EIF2B3: variants seen among roughly 807,000 people sequenced by gnomAD.
EIF2B3 encodes translation initiation factor eIF2B subunit gamma.
EIF2B3 carries 20 observed loss-of-function variants against 54.1 expected under a neutral mutation model. The observed-to-expected ratio is 0.37, with a 90% CI of 0.26 to 0.54. The LOEUF is 0.54. Among genes scored for constraint, EIF2B3 ranks in the 20% least tolerant of loss-of-function variants. The probability of loss-of-function intolerance (pLI) is 0.86; values close to 1 mark genes in which losing one functional copy is unlikely to be tolerated. For synonymous variants in EIF2B3, 153 were observed against 188.1 expected (o/e 0.81, Z 1.52); for missense variants, 448 against 547.8 (o/e 0.82, Z 1.82).
intron 5 of EIF2B3, among the ~76,000 whole-genome samples, chr1:44,904,409 A>G (rs1191096520): frequency 6.6e-6 from 1 of 152,256 alleles, no homozygotes; most frequent in Admixed American, 6.5e-5. Context: ...TCAGATGAGG[A>G]TAAAAGCCTC....
In EIF2B3 at chr1:44,864,599, A is replaced by C. The variant is rs56008713; in HGVS notation, c.1203-6792T>G. Among the ~76,000 whole-genome samples, 1,243 of 152,272 alleles carry C rather than the reference A, an allele frequency of 8.2e-3. 12 individuals carry two copies. The highest frequency in any genetic ancestry group is 0.023 in the African/African-American group (941 of 41,566). ...TTTTAACAATTATGTACTTTTCTGC[A>C]ACTCTAATTACCTCTAATTGGACTT... is the stretch of plus-strand genomic sequence containing the variant. On this transcript the variant is annotated intron_variant, in intron 10 of 11. Transcript: ENST00000360403.
intron 8 of EIF2B3, among the ~76,000 whole-genome samples, chr1:44,877,301 C>G (rs927735546): frequency 2.0e-5 from 3 of 147,326 alleles, no homozygotes; most frequent in Non-Finnish European, 4.5e-5. Context: ...TGAGGGGGAG[C>G]AGGAGGCTGC....
At chr1:44,981,233 G>A in intron 1 of EIF2B3, 56 bp from the exon 2 acceptor site, 2 of 1,575,294 alleles carry the variant, frequency 1.3e-6, no homozygotes, top group Non-Finnish European at 8.7e-7. Flanking sequence ...AAAAATCAAA[G>A]CACACATACT....
intron 3 of EIF2B3, among the ~76,000 whole-genome samples, chr1:44,960,918 AC>A (rs149578931): frequency 0.064 from 9,713 of 152,144 alleles, 1,065 homozygotes; most frequent in African/African-American, 0.22. Context: ...CCTTTGGTTT[AC>A]TTATTCAGGA....
chr1:44,851,155 C>T (rs943087219), intron 11 of EIF2B3, 152 bp from the exon 12 acceptor site: 1 of 736,448 alleles, frequency 1.4e-6, no homozygotes, highest in Admixed American at 2.1e-5. Flanking sequence ...ACCTCCATCT[C>T]CCAGGTTCAT....
intron 5 of EIF2B3, among the ~76,000 whole-genome samples, chr1:44,925,742 G>A (rs894186099): frequency 6.6e-6 from 1 of 151,836 alleles, no homozygotes; most frequent in Non-Finnish European, 1.5e-5. Flanking sequence ...CAGCCAATAT[G>A]GTGAAACCCC....
At chr1:44,892,655 T>C (rs1421204275) in intron 6 of EIF2B3, among the ~76,000 whole-genome samples, 1 of 152,090 alleles carries the variant, frequency 6.6e-6, no homozygotes, top group African/African-American at 2.4e-5. Flanking sequence ...CTATTACTAA[T>C]ATTACTAATA....
intron 10 of EIF2B3, among the ~76,000 whole-genome samples, chr1:44,865,727 C>T (rs965879227): frequency 1.3e-5 from 2 of 152,082 alleles, no homozygotes; most frequent in Non-Finnish European, 1.5e-5. Flanking sequence ...GGATTACAGG[C>T]ATGCGCCACC....
rs143087157 is a variant in EIF2B3 at position 44,893,869 on chromosome 1, G to A, written c.656+3486C>T. Among the ~76,000 whole-genome samples the A allele has an allele frequency of 4.7e-3, 714 of 152,142 alleles. 2 individuals carry two copies. The highest frequency in any genetic ancestry group is 7.3e-3 in the East Asian group (38 of 5,182). On this transcript the variant is annotated intron_variant, in intron 6 of 11. Coordinates refer to ENST00000360403, the MANE Select transcript of EIF2B3 (RefSeq NM_020365.5). ...AATGGGGCTGGTGGGGGTGGGGAGCGGGGGAGGTTCTATACTAAAAGGAAA... is the reference window on the plus strand; with the variant it reads ...AATGGGGCTGGTGGGGGTGGGGAGCAGGGGAGGTTCTATACTAAAAGGAAA...
At chr1:44,977,024 G>T (rs1644459739) in intron 3 of EIF2B3, among the ~76,000 whole-genome samples, 1 of 152,082 alleles carries the variant, frequency 6.6e-6, no homozygotes, top group African/African-American at 2.4e-5. Context: ...AAAAGGGGTG[G>T]GAAAGCCATG....
intron 3 of EIF2B3, among the ~76,000 whole-genome samples, chr1:44,968,372 G>GAAAA (rs35847625): frequency 1.7e-5 from 2 of 118,158 alleles, no homozygotes; most frequent in African/African-American, 3.0e-5. Context: ...TTAAAAAAAG[G>GAAAA]AAAAAAAAAA....
At chr1:44,968,540 G>C (rs555022526) in intron 3 of EIF2B3, among the ~76,000 whole-genome samples, 14 of 152,100 alleles carry the variant, frequency 9.2e-5, no homozygotes, top group Non-Finnish European at 1.3e-4. Context: ...TCACTCATAA[G>C]GGAAAGAAAA....
intron 5 of EIF2B3, among the ~76,000 whole-genome samples, chr1:44,902,070 G>A (rs1246396569): frequency 1.3e-5 from 2 of 152,050 alleles, no homozygotes; most frequent in East Asian, 1.9e-4. Flanking sequence ...TCCTTTTCCT[G>A]TTGAGTTGCC....
intron 5 of EIF2B3, among the ~76,000 whole-genome samples, chr1:44,902,356 C>G (rs1342586681): frequency 6.6e-6 from 1 of 152,052 alleles, no homozygotes; most frequent in Non-Finnish European, 1.5e-5. Context: ...AACTGAGATT[C>G]TAATAGGGTT....
intron 3 of EIF2B3, among the ~76,000 whole-genome samples, chr1:44,949,807 T>C (rs931569620): frequency 6.6e-6 from 1 of 152,246 alleles, no homozygotes; most frequent in African/African-American, 2.4e-5. Context: ...ATGGTTCTAA[T>C]ATTCATAATT....
intron 3 of EIF2B3, chr1:44,970,032 G>C (rs1235703972): frequency 6.6e-6 from 1 of 152,218 alleles, no homozygotes; most frequent in Admixed American, 6.5e-5. Flanking sequence ...GTCAGGGAAA[G>C]AGGTTTGGGT....
At chr1:44,981,466 T>C (rs1489002685) in intron 1 of EIF2B3, among the ~76,000 whole-genome samples, 2 of 152,120 alleles carry the variant, frequency 1.3e-5, no homozygotes, top group African/African-American at 4.8e-5. Context: ...TAAATCACAA[T>C]ATATGTCATT....
In EIF2B3 at chr1:44,883,317, G is replaced by A. The variant is rs76102701; in HGVS notation, c.657-1578C>T. On this transcript the variant is annotated intron_variant, in intron 6 of 11. Transcript: ENST00000360403. ...CTGCCTTTATAAAACTAATAAAAGCGTACAAATTTAGGATTACAAGAGGGG... is the reference window on the plus strand; with the variant it reads ...CTGCCTTTATAAAACTAATAAAAGCATACAAATTTAGGATTACAAGAGGGG... Among the ~76,000 whole-genome samples, 60 of 151,990 alleles carry A rather than the reference G, an allele frequency of 3.9e-4. 2 individuals are homozygous for A. The East Asian group carries it at 5.6e-3, about 14-fold the overall frequency.
At position 44,978,339 on chromosome 1, in the gene EIF2B3, C is replaced by A; in HGVS notation, c.270G>T (p.Leu90Phe). The change falls in exon 3 of 12, where the codon TTG becomes TTT. Residue 90 changes from leucine (L) to phenylalanine (F), a missense_variant. Around this residue, in one of 3 missense-constraint regions of EIF2B3, gnomAD observed 95 missense variants for 115.7 expected, o/e 0.82. Coordinates refer to ENST00000360403, the MANE Select transcript of EIF2B3 (RefSeq NM_020365.5). ...DDADMGTADS[L>F]RYIYPKLKTD... ...CCTTAAGTTTTGGATATATGTAGCG[C>A]AAAGAATCTGCAGTTCCCATGTCAG... 1 of 1,614,062 alleles carries A rather than the reference C, an allele frequency of 6.2e-7. No homozygotes were observed. Among genetic ancestry groups the A allele is most frequent in the Non-Finnish European group, 8.5e-7 (1 of 1,180,016 alleles).
Sources: allele counts gnomAD v4.1 joint callset (sites outside exome capture counted in the v4.1 genomes callset), GRCh38; gene constraint gnomAD v4.1.1; regional missense constraint gnomAD v4.1.1; transcripts MANE v1.5; gene names NCBI Gene and HGNC (gene_info 2026-07-23, HGNC 2026-07-21).